Variants in CSGALNACT1 observed in about 807,000 individuals in gnomAD.
CSGALNACT1 encodes the protein chondroitin sulfate N-acetylgalactosaminyltransferase 1, also known as beta4GalNAcT-1.
CSGALNACT1 carries 52 observed loss-of-function variants against 51.0 expected under a neutral mutation model. That is an observed-to-expected ratio of 1.02 (90% CI 0.82 to 1.29). The LOEUF (loss-of-function observed/expected upper bound fraction) is 1.29, where lower values mean the gene tolerates loss of function less well. Among genes scored for constraint, CSGALNACT1 ranks in the 50% most tolerant of loss-of-function variants. The pLI, the probability that CSGALNACT1 is intolerant of heterozygous loss-of-function variation, is 0.00. For missense variants in CSGALNACT1, 935 were observed against 679.2 expected (o/e 1.38, Z -4.19); for synonymous variants, 341 against 254.4 (o/e 1.34, Z -3.24).
At chr8:19,590,985 T>G (rs578012073) in intron 3 of CSGALNACT1, among the ~76,000 whole-genome samples, 160 of 152,268 alleles carry the variant, frequency 1.1e-3, no homozygotes, top group African/African-American at 3.5e-3. Flanking sequence ...AGGTATTTCC[T>G]TTGTTCAAGG....
In CSGALNACT1 at chr8:19,560,919, T is replaced by C. The variant is rs527730182; in HGVS notation, c.-297+30241A>G. The stretch of plus-strand genomic sequence containing the variant: ...ACCCTAAGGTGGATAAACACACTCA[T>C]ATTTTCATTCAATCAAATACTTCAC... On this transcript the variant is annotated intron_variant, in intron 3 of 9. Transcript: ENST00000454498. Among the ~76,000 whole-genome samples, 17 of 152,326 alleles carry C rather than the reference T, an allele frequency of 1.1e-4. 1 individual carries two copies. The East Asian group carries it at 1.3e-3, about 12-fold the overall frequency.
chr8:19,492,620 T>C (rs2074594960), intron 4 of CSGALNACT1, among the ~76,000 whole-genome samples: 2 of 152,194 alleles, frequency 1.3e-5, no homozygotes. Flanking sequence ...CTAAAGGCTT[T>C]CAGGATAAGG....
chr8:19,585,142 G>C (rs1213264500), intron 3 of CSGALNACT1: 1 of 152,198 alleles, frequency 6.6e-6, no homozygotes, highest in Non-Finnish European at 1.5e-5. Context: ...CATAGTGCTT[G>C]AACACTCACA....
intron 4 of CSGALNACT1, among the ~76,000 whole-genome samples, chr8:19,473,700 G>A (rs1005955331): frequency 2.0e-5 from 3 of 152,196 alleles, no homozygotes; most frequent in Admixed American, 1.3e-4. Flanking sequence ...AGAAGCATTG[G>A]TTTTGTTGGA....
At chr8:19,484,257 C>T (rs909554275) in intron 4 of CSGALNACT1, among the ~76,000 whole-genome samples, 1 of 149,506 alleles carries the variant, frequency 6.7e-6, no homozygotes, top group African/African-American at 2.5e-5. Context: ...GATGAACATT[C>T]TCCACCGAAT....
At chr8:19,601,129 C>T (rs1342351517) in intron 2 of CSGALNACT1, among the ~76,000 whole-genome samples, 1 of 152,094 alleles carries the variant, frequency 6.6e-6, no homozygotes, top group Admixed American at 6.6e-5. Context: ...CATCTTATTG[C>T]ATAGAAACTC....
At chr8:19,632,656 A>G (rs1028075125) in intron 1 of CSGALNACT1, among the ~76,000 whole-genome samples, 3 of 152,180 alleles carry the variant, frequency 2.0e-5, no homozygotes, top group African/African-American at 7.2e-5. Context: ...CTTCAAGTAA[A>G]ACACTGAAAT....
intron 4 of CSGALNACT1, among the ~76,000 whole-genome samples, chr8:19,472,075 G>T (rs944601895): frequency 1.3e-5 from 2 of 152,182 alleles, no homozygotes; most frequent in East Asian, 3.8e-4. Context: ...AATTACACTT[G>T]CAGGATGCCT....
intron 1 of CSGALNACT1, among the ~76,000 whole-genome samples, chr8:19,644,722 A>G (rs1383907225): frequency 6.6e-6 from 1 of 150,652 alleles, no homozygotes; most frequent in Non-Finnish European, 1.5e-5. Context: ...AAAAAAAAAA[A>G]AAAAAAAAAA....
chr8:19,554,572 AG>A (rs2089213092), intron 3 of CSGALNACT1, among the ~76,000 whole-genome samples: 2 of 47,910 alleles, frequency 4.2e-5, no homozygotes, highest in African/African-American at 3.6e-4. Context: ...CTGATATACC[AG>A]GAAATAACTG....
At chr8:19,429,741 C>G (rs1051677555) in intron 6 of CSGALNACT1, among the ~76,000 whole-genome samples, 2 of 152,166 alleles carry the variant, frequency 1.3e-5, no homozygotes, top group Middle Eastern at 6.8e-3. Context: ...GGGTATATAC[C>G]TGGGATCAGA....
intron 1 of CSGALNACT1, among the ~76,000 whole-genome samples, chr8:19,625,076 G>C (rs1365750539): frequency 6.6e-6 from 1 of 152,158 alleles, no homozygotes; most frequent in Non-Finnish European, 1.5e-5. Flanking sequence ...AACCATCTCA[G>C]CCAGGAAGGG....
At chr8:19,613,949 A>C (rs1389704647) in intron 1 of CSGALNACT1, among the ~76,000 whole-genome samples, 1 of 152,234 alleles carries the variant, frequency 6.6e-6, no homozygotes, top group East Asian at 1.9e-4. Context: ...CTAATGCATT[A>C]ATTATTCCTG....
intron 3 of CSGALNACT1, among the ~76,000 whole-genome samples, chr8:19,530,207 C>T (rs1451485751): frequency 2.7e-5 from 4 of 150,360 alleles, no homozygotes; most frequent in African/African-American, 7.4e-5. Context: ...GGCAACAGAG[C>T]GAGACTCTGG....
chr8:19,603,562 C>G (rs1310819600), upstream of CSGALNACT1, among the ~76,000 whole-genome samples: 2 of 152,246 alleles, frequency 1.3e-5, no homozygotes, highest in African/African-American at 4.8e-5. Context: ...GGACCCGAAT[C>G]TGAGTTGTTT....
chr8:19,498,285 T>C (rs571752013), intron 4 of CSGALNACT1, among the ~76,000 whole-genome samples: 2 of 152,232 alleles, frequency 1.3e-5, no homozygotes, highest in East Asian at 3.9e-4. Context: ...ATGACCAGTA[T>C]CCATACACAC....
At chr8:19,502,912 G>A (rs973967630) in intron 4 of CSGALNACT1, among the ~76,000 whole-genome samples, 1 of 152,088 alleles carries the variant, frequency 6.6e-6, no homozygotes, top group Non-Finnish European at 1.5e-5. Flanking sequence ...TGGTCAAATG[G>A]TCACCCAGTT....
intron 1 of CSGALNACT1, among the ~76,000 whole-genome samples, chr8:19,749,931 C>G (rs2064923958): frequency 6.6e-6 from 1 of 152,206 alleles, no homozygotes; most frequent in African/African-American, 2.4e-5. Context: ...ATGCACCAAT[C>G]TGGAGATGCA....
At chr8:19,734,329 C>CTCAGCCAATCACAGCAGCCAAGCT (rs2154247141) in intron 1 of CSGALNACT1, among the ~76,000 whole-genome samples, 1 of 152,318 alleles carries the variant, frequency 6.6e-6, no homozygotes, top group Non-Finnish European at 1.5e-5. Flanking sequence ...AAAGCTGAGT[C>CTCAGCCAATCACAGCAGCCAAGCT]TCAGCCAATC....
Sources: gnomAD v4.1 joint callset for allele counts (sites outside exome capture counted in the v4.1 genomes callset) on GRCh38, gnomAD v4.1.1 for gene constraint, MANE v1.5 for transcripts, NCBI Gene and HGNC (gene_info 2026-07-23, HGNC 2026-07-21) for gene names.